Variants in ZMIZ1 observed in about 807,000 individuals in gnomAD.
ZMIZ1 encodes zinc finger MIZ domain-containing protein 1.
A neutral mutation model predicts 113.9 loss-of-function variants in ZMIZ1; 17 were observed. That is an observed-to-expected ratio of 0.15 (90% CI 0.10 to 0.22). ZMIZ1 has a LOEUF of 0.22. Among genes scored for constraint, ZMIZ1 ranks in the 10% least tolerant of loss-of-function variants. The pLI is 1.00. For synonymous variants in ZMIZ1, 607 were observed against 603.1 expected (o/e 1.01, Z -0.09); for missense variants, 1,059 against 1,477.8 (o/e 0.72, Z 4.65).
chr10:79,251,162 A>G (rs914585561), intron 7 of ZMIZ1, among the ~76,000 whole-genome samples: 1 of 151,876 alleles, frequency 6.6e-6, no homozygotes, highest in Non-Finnish European at 1.5e-5. Context: ...AGAGGCCCTC[A>G]CCCCACAAAG....
At chr10:79,311,304 G>GGGGGGC in intron 24 of ZMIZ1, 120 bp downstream of exon 24, 1 of 359,152 alleles carries the variant, frequency 2.8e-6, no homozygotes, top group East Asian at 7.5e-5. Flanking sequence ...TGGGCGGTGG[G>GGGGGGC]AGGGCTTCAC....
chr10:79,127,898 G>A (rs1414624483), intron 2 of ZMIZ1, among the ~76,000 whole-genome samples: 1 of 152,176 alleles, frequency 6.6e-6, no homozygotes, highest in Non-Finnish European at 1.5e-5. Context: ...GAATTGAGAT[G>A]CTAAAAATAA....
chr10:79,260,328 G>A (rs890209426), intron 7 of ZMIZ1, among the ~76,000 whole-genome samples: 3 of 152,208 alleles, frequency 2.0e-5, no homozygotes, highest in African/African-American at 7.2e-5. Flanking sequence ...GGTGGTGATA[G>A]GTGCTCTGAA....
Position 79,312,850 on chromosome 10 carries a change from C to T in ZMIZ1, c.*101C>T, listed in dbSNP as rs909531057. On this transcript the variant is annotated 3_prime_UTR_variant, in exon 25 of 25. Transcript: ENST00000334512. Reference sequence around the variant, plus strand: ...GCCTGTGCCCTCAGACCGCCCCGCACCAGAGCCACGGGCTGTGGGGCGGGG... The same window carrying T: ...GCCTGTGCCCTCAGACCGCCCCGCATCAGAGCCACGGGCTGTGGGGCGGGG... The T allele has an allele frequency of 2.6e-6, 3 of 1,132,478 alleles. No individual in the cohort carries two copies. The highest frequency in any genetic ancestry group is 3.1e-5 in the African/African-American group (2 of 64,444). 70.2% of individuals were successfully genotyped at this position (1,132,478 alleles called of 1,614,324 possible). A position where few individuals can be genotyped will look rare whatever the true frequency, so the allele number is the denominator to read the frequency against.
intron 3 of ZMIZ1, among the ~76,000 whole-genome samples, chr10:79,154,010 G>A (rs1018187982): frequency 3.3e-5 from 5 of 152,202 alleles, no homozygotes; most frequent in African/African-American, 1.2e-4. Context: ...GTTTGTGTGT[G>A]CCACCGACAG....
intron 1 of ZMIZ1, among the ~76,000 whole-genome samples, chr10:79,106,499 C>T (rs1843565010): frequency 6.6e-6 from 1 of 152,252 alleles, no homozygotes; most frequent in Non-Finnish European, 1.5e-5. Context: ...TCCCCCAAGC[C>T]TGTGGCTAGA....
At chr10:79,265,938 C>T (rs1231058708) in intron 7 of ZMIZ1, among the ~76,000 whole-genome samples, 1 of 152,228 alleles carries the variant, frequency 6.6e-6, no homozygotes, top group African/African-American at 2.4e-5. Context: ...GAGCCCCTTC[C>T]ATCTGTAATC....
At chr10:79,114,425 G>A (rs993024161) in intron 1 of ZMIZ1, among the ~76,000 whole-genome samples, 3 of 151,972 alleles carry the variant, frequency 2.0e-5, no homozygotes, top group African/African-American at 7.3e-5. Context: ...GGGGAAGGCG[G>A]GTTCAGAGCC....
At chr10:79,298,921 C>G in intron 15 of ZMIZ1, 129 bp from the exon 16 acceptor site, 1 of 1,265,650 alleles carries the variant, frequency 7.9e-7, no homozygotes, top group Non-Finnish European at 1.1e-6. Context: ...CTGGCTATGT[C>G]TCTGGCCCTG....
Position 79,304,183 on chromosome 10 carries a change from G to T in ZMIZ1, c.2286+8G>T. ...GATTGCAAGCATGTGCAGGTGAGCG[G>T]CCCCAGAAAGCACAGCTCTGGCAAG... On this transcript the variant is annotated splice_region_variant and intron_variant, in intron 19 of 24. Transcript: ENST00000334512. The T allele has an allele frequency of 6.2e-7, 1 of 1,610,228 alleles. No individual in the cohort carries two copies.
intron 3 of ZMIZ1, among the ~76,000 whole-genome samples, chr10:79,160,585 C>G (rs972910186): frequency 2.4e-4 from 36 of 152,248 alleles, no homozygotes; most frequent in Non-Finnish European, 8.8e-5. Context: ...AAGTCACACA[C>G]TTGGTACGAG....
At chr10:79,247,515 CT>C (rs1009598218) in intron 7 of ZMIZ1, among the ~76,000 whole-genome samples, 2 of 152,132 alleles carry the variant, frequency 1.3e-5, no homozygotes, top group African/African-American at 4.8e-5. Flanking sequence ...AAGTATGACC[CT>C]TTTCCTCCCT....
chr10:79,211,869 G>C (rs759686487), intron 6 of ZMIZ1, among the ~76,000 whole-genome samples: 2 of 152,336 alleles, frequency 1.3e-5, no homozygotes, highest in East Asian at 3.9e-4. Flanking sequence ...GGAGACAGTG[G>C]GAGAGCAGGT....
At chr10:79,260,373 C>G (rs114648081) in intron 7 of ZMIZ1, among the ~76,000 whole-genome samples, 1 of 152,042 alleles carries the variant, frequency 6.6e-6, no homozygotes, top group African/African-American at 2.4e-5. Flanking sequence ...TAGAGGGAGT[C>G]GGTGGTGGGG....
chr10:79,094,180 C>T (rs760019712), intron 1 of ZMIZ1, among the ~76,000 whole-genome samples: 11 of 152,192 alleles, frequency 7.2e-5, no homozygotes, highest in Admixed American at 3.3e-4. Flanking sequence ...ACCCTTCCTC[C>T]GACCTGGCTT....
chr10:79,293,448 T>C lies in ZMIZ1; in HGVS notation c.1025T>C (p.Met342Thr), dbSNP rs1278588314. ...NQPGPRGPASMGGSMNPASMA... is the reference protein window; with the variant it reads ...NQPGPRGPASTGGSMNPASMA... ...CCCGGGCCGCGGGGGCCTGCCTCCA[T>C]GGGGGGCAGCATGAACCCCGCGAGC... is the stretch of plus-strand genomic sequence containing the variant. Residue 342 changes from methionine (M) to threonine (T), a missense_variant, in exon 12 of 25, where the codon ATG (methionine) becomes ACG (threonine). Around this residue, in one of 6 missense-constraint regions of ZMIZ1, gnomAD observed 83 missense variants for 103.7 expected, o/e 0.80. Coordinates refer to ENST00000334512, the MANE Select transcript of ZMIZ1 (RefSeq NM_020338.4). The C allele has an allele frequency of 3.2e-6, 5 of 1,541,372 alleles. No individual in the cohort carries two copies. Among genetic ancestry groups the C allele is most frequent in the Non-Finnish European group, 4.4e-6 (5 of 1,143,766 alleles).
intron 7 of ZMIZ1, among the ~76,000 whole-genome samples, chr10:79,218,584 GGTGTGT>G (rs55736085): frequency 6.8e-6 from 1 of 147,898 alleles, no homozygotes; most frequent in Admixed American, 6.7e-5. Context: ...TAATTAGAGG[GGTGTGT>G]GTGTGTGTGT....
intron 7 of ZMIZ1, among the ~76,000 whole-genome samples, chr10:79,249,509 G>T (rs1189081563): frequency 6.6e-6 from 1 of 152,252 alleles, no homozygotes; most frequent in African/African-American, 2.4e-5. Context: ...TTGTCTGTGT[G>T]ATGTGAGGGG....
At chr10:79,277,665 G>T (rs1263714134) in intron 8 of ZMIZ1, among the ~76,000 whole-genome samples, 1 of 152,188 alleles carries the variant, frequency 6.6e-6, no homozygotes, top group Admixed American at 6.5e-5. Context: ...ATCTCAGGAA[G>T]GCCACGGGGT....
Sources: allele counts gnomAD v4.1 joint callset (sites outside exome capture counted in the v4.1 genomes callset), GRCh38; gene constraint gnomAD v4.1.1; regional missense constraint gnomAD v4.1.1; transcripts MANE v1.5; gene names NCBI Gene and HGNC (gene_info 2026-07-23, HGNC 2026-07-21).